Variants in ZFPM2 observed in about 807,000 individuals in gnomAD.
ZFPM2 encodes the protein zinc finger protein, FOG family member 2, also known as zinc finger protein ZFPM2.
ZFPM2 carries 20 observed loss-of-function variants against 98.6 expected under a neutral mutation model. The ratio of observed to expected loss-of-function variants is 0.20; its 90% CI spans 0.14 to 0.29. ZFPM2 has a LOEUF of 0.29. ZFPM2 is among the 10% of genes least tolerant of loss of function. The pLI, the probability that ZFPM2 is intolerant of heterozygous loss-of-function variation, is 1.00. For missense variants in ZFPM2, 1,310 were observed against 1,388.6 expected, an observed-to-expected ratio of 0.94 and a Z score of 0.90; for synonymous variants, 518 against 502.7, an observed-to-expected ratio of 1.03 and a Z score of -0.41.
At chr8:105,435,121 T>C (rs1383792090) in intron 2 of ZFPM2, among the ~76,000 whole-genome samples, 3 of 152,328 alleles carry the variant, frequency 2.0e-5, no homozygotes, top group Admixed American at 6.5e-5. Context: ...TGCATTATAT[T>C]GCTCAATAAC....
intron 3 of ZFPM2, among the ~76,000 whole-genome samples, chr8:105,533,409 G>C (rs1251963610): frequency 6.6e-6 from 1 of 152,084 alleles, no homozygotes; most frequent in Non-Finnish European, 1.5e-5. Flanking sequence ...TTACACAGTT[G>C]TTGATTGATG....
At chr8:105,420,937 T>A (rs1255815243) in intron 2 of ZFPM2, among the ~76,000 whole-genome samples, 1 of 152,118 alleles carries the variant, frequency 6.6e-6, no homozygotes, top group Non-Finnish European at 1.5e-5. Context: ...ACTGTATGAA[T>A]TGCAAATTTT....
At chr8:105,406,746 C>T (rs552187947) in intron 1 of ZFPM2, among the ~76,000 whole-genome samples, 1 of 151,956 alleles carries the variant, frequency 6.6e-6, no homozygotes, top group African/African-American at 2.4e-5. Context: ...TGAAAGGCTA[C>T]ATTTTAATCA....
chr8:105,370,119 C>G (rs1163872314), intron 1 of ZFPM2, among the ~76,000 whole-genome samples: 3 of 152,082 alleles, frequency 2.0e-5, no homozygotes, highest in Non-Finnish European at 4.4e-5. Context: ...TAGGAAACCA[C>G]TGAGAAACAA....
chr8:105,593,896 G>A (rs971148420), intron 4 of ZFPM2, among the ~76,000 whole-genome samples: 39 of 152,168 alleles, frequency 2.6e-4, no homozygotes, highest in African/African-American at 8.4e-4. Context: ...AGAAATCATC[G>A]TGGGAGAGTT....
At chr8:105,375,488 A>C (rs918124225) in intron 1 of ZFPM2, among the ~76,000 whole-genome samples, 1 of 152,162 alleles carries the variant, frequency 6.6e-6, no homozygotes, top group Non-Finnish European at 1.5e-5. Flanking sequence ...GTGCAGTAGC[A>C]AAGAAGGAAG....
At chr8:105,588,705 G>A (rs1586482535) in intron 4 of ZFPM2, among the ~76,000 whole-genome samples, 1 of 152,242 alleles carries the variant, frequency 6.6e-6, no homozygotes, top group East Asian at 1.9e-4. Context: ...TTTTGCAGTA[G>A]GGCCTTCCAT....
At chr8:105,704,651 G>A (rs1697393910) in intron 5 of ZFPM2, among the ~76,000 whole-genome samples, 1 of 152,122 alleles carries the variant, frequency 6.6e-6, no homozygotes. Flanking sequence ...ATGGAAGGCT[G>A]CAAGATTCCA....
intron 5 of ZFPM2, among the ~76,000 whole-genome samples, chr8:105,753,004 T>C (rs1228424017): frequency 1.3e-5 from 2 of 152,044 alleles, no homozygotes; most frequent in African/African-American, 4.8e-5. Flanking sequence ...AGGCTTTCAG[T>C]CGGCATCTGA....
intron 5 of ZFPM2, among the ~76,000 whole-genome samples, chr8:105,770,109 A>C (rs1390774205): frequency 1.3e-5 from 2 of 151,864 alleles, no homozygotes; most frequent in Non-Finnish European, 2.9e-5. Flanking sequence ...ACTCTCCTTG[A>C]TCTAGTGAGC....
chr8:105,720,715 C>T (rs779263734), intron 5 of ZFPM2, among the ~76,000 whole-genome samples: 2 of 151,888 alleles, frequency 1.3e-5, no homozygotes, highest in East Asian at 1.9e-4. Context: ...GTCCCCGAGA[C>T]AATCATCTCA....
intron 5 of ZFPM2, among the ~76,000 whole-genome samples, chr8:105,720,057 A>G (rs1202669919): frequency 2.0e-5 from 3 of 151,936 alleles, no homozygotes; most frequent in African/African-American, 7.2e-5. Flanking sequence ...TTTACATGTC[A>G]CATTTAACTT....
intron 4 of ZFPM2, among the ~76,000 whole-genome samples, chr8:105,576,475 TA>T (rs1815471163): frequency 1.3e-5 from 2 of 152,144 alleles, no homozygotes; most frequent in African/African-American, 4.8e-5. Context: ...ACCTGATTGG[TA>T]GAGGGCAACT....
intron 1 of ZFPM2, among the ~76,000 whole-genome samples, chr8:105,380,937 ATTATTAT>A (rs1810874863): frequency 2.8e-5 from 3 of 108,632 alleles, no homozygotes; most frequent in Non-Finnish European, 5.3e-5. Context: ...TAATATATAT[ATTATTAT>A]ACTTTAAGTT....
intron 3 of ZFPM2, among the ~76,000 whole-genome samples, chr8:105,475,228 C>T (rs76538078): frequency 0.019 from 2,962 of 152,258 alleles, 97 homozygotes; most frequent in African/African-American, 0.068. Context: ...ATTCTTCTCC[C>T]TCTAATTTTA....
intron 3 of ZFPM2, among the ~76,000 whole-genome samples, chr8:105,553,943 G>T (rs970841492): frequency 1.3e-5 from 2 of 152,100 alleles, no homozygotes; most frequent in African/African-American, 4.8e-5. Context: ...AACTTACAAG[G>T]TTCGATTTAT....
intron 3 of ZFPM2, among the ~76,000 whole-genome samples, chr8:105,534,213 T>C (rs1286770687): frequency 1.7e-5 from 1 of 57,818 alleles, no homozygotes; most frequent in Non-Finnish European, 3.2e-5. Context: ...CCCTTCTTCC[T>C]TCTTTTCTTC....
chr8:105,747,036 A>AT (rs1289686205), intron 5 of ZFPM2, among the ~76,000 whole-genome samples: 1 of 151,926 alleles, frequency 6.6e-6, no homozygotes, highest in South Asian at 2.1e-4. Context: ...GCAATTAAGT[A>AT]TTTTTTTTCT....
At chr8:105,729,729 A>G (rs1162432954) in intron 5 of ZFPM2, among the ~76,000 whole-genome samples, 3 of 151,566 alleles carry the variant, frequency 2.0e-5, no homozygotes, top group African/African-American at 7.3e-5. Flanking sequence ...GTCATAGAGG[A>G]AGTTCCTCTT....
Sources: allele counts gnomAD v4.1 joint callset (sites outside exome capture counted in the v4.1 genomes callset), GRCh38; gene constraint gnomAD v4.1.1; transcripts MANE v1.5; gene names NCBI Gene and HGNC (gene_info 2026-07-23, HGNC 2026-07-21).